Variants in AGBL1 observed in about 807,000 individuals in gnomAD.
The protein encoded by AGBL1 is cytosolic carboxypeptidase 4.
Under a neutral mutation model 118.9 loss-of-function variants are expected in AGBL1, and 130 were observed. The ratio of observed to expected loss-of-function variants is 1.09; its 90% CI spans 0.95 to 1.26. The LOEUF (loss-of-function observed/expected upper bound fraction) is 1.26. AGBL1 is among the 50% of genes most tolerant of loss of function. AGBL1 has a pLI of 0.00. For missense variants in AGBL1, 1,584 were observed against 1,298.1 expected (o/e 1.22, Z -3.38); for synonymous variants, 555 against 478.9 (o/e 1.16, Z -2.08).
intron 22 of AGBL1, among the ~76,000 whole-genome samples, chr15:86,785,063 T>C (rs946511927): frequency 1.3e-5 from 2 of 152,180 alleles, no homozygotes; most frequent in Non-Finnish European, 2.9e-5. Context: ...TTACAATGAA[T>C]GCAAATGAAT....
chr15:86,501,051 T>C (rs1297423835), intron 18 of AGBL1, among the ~76,000 whole-genome samples: 1 of 151,714 alleles, frequency 6.6e-6, no homozygotes, highest in Admixed American at 6.6e-5. Flanking sequence ...TGCTGGGTCA[T>C]ATGGGGACTA....
intron 18 of AGBL1, among the ~76,000 whole-genome samples, chr15:86,500,897 A>C (rs1042601442): frequency 6.6e-6 from 1 of 151,698 alleles, no homozygotes; most frequent in East Asian, 1.9e-4. Context: ...ATTCATCATC[A>C]GTTGATGGAC....
At chr15:86,945,652 A>G (rs1184788453) in intron 23 of AGBL1, among the ~76,000 whole-genome samples, 1 of 152,192 alleles carries the variant, frequency 6.6e-6, no homozygotes, top group East Asian at 1.9e-4. Context: ...CAGTGTGGAC[A>G]AGAGAGTGAG....
At chr15:86,493,688 G>T in intron 18 of AGBL1, among the ~76,000 whole-genome samples, 1 of 152,092 alleles carries the variant, frequency 6.6e-6, no homozygotes, top group Non-Finnish European at 1.5e-5. Context: ...GTGGGTTTTT[G>T]CACAATATTT....
intron 24 of AGBL1, among the ~76,000 whole-genome samples, chr15:86,997,512 T>TC (rs1339578345): frequency 6.6e-6 from 1 of 152,188 alleles, no homozygotes; most frequent in African/African-American, 2.4e-5. Context: ...TGTGGCTTTT[T>TC]CCCCCTTCAG....
chr15:86,318,866 G>A (rs2141839161), intron 17 of AGBL1, among the ~76,000 whole-genome samples: 1 of 152,050 alleles, frequency 6.6e-6, no homozygotes, highest in East Asian at 1.9e-4. Context: ...ATTATTATAT[G>A]GTCTGTGATG....
At chr15:86,233,714 G>A (rs1398429334) in intron 6 of AGBL1, among the ~76,000 whole-genome samples, 1 of 152,222 alleles carries the variant, frequency 6.6e-6, no homozygotes, top group Non-Finnish European at 1.5e-5. Context: ...CAAGAAGGAA[G>A]AACTAGTGAA....
intron 22 of AGBL1, among the ~76,000 whole-genome samples, chr15:86,794,477 G>A (rs1241673539): frequency 1.3e-5 from 2 of 152,146 alleles, no homozygotes; most frequent in South Asian, 2.1e-4. Context: ...ATTGCTTAAC[G>A]GGTACTGGGT....
chr15:86,153,635 G>A (rs2077147500), intron 3 of AGBL1, among the ~76,000 whole-genome samples: 1 of 152,150 alleles, frequency 6.6e-6, no homozygotes, highest in African/African-American at 2.4e-5. Flanking sequence ...TTGTGCACAT[G>A]TCCCCTAGAA....
chr15:86,914,802 C>A lies in AGBL1; in HGVS notation c.*7508C>A, dbSNP rs1173714264. ...TCTTTCTTCAAAGACCCCTAAGGGC[C>A]CTCTGAGAGGTTATGGAGCAAGTCT... is the stretch of plus-strand genomic sequence containing the variant. On this transcript the variant is annotated 3_prime_UTR_variant, in exon 23 of 23. Transcript: ENST00000614907. 1.3e-5 allele frequency: 2 copies of A among 152,158 alleles called. No homozygotes were observed. The highest frequency in any genetic ancestry group is 1.9e-4 in the East Asian group (1 of 5,202). The allele number at this position is 152,158 out of a possible 1,614,324, so 9.4% of individuals were successfully genotyped here. A position where few individuals can be genotyped will look rare whatever the true frequency, so the allele number is the denominator to read the frequency against.
intron 22 of AGBL1, among the ~76,000 whole-genome samples, chr15:86,893,907 A>G (rs1376484159): frequency 6.6e-6 from 1 of 152,178 alleles, no homozygotes; most frequent in East Asian, 1.9e-4. Flanking sequence ...TAAGATTCCC[A>G]TTTTACACAT....
intron 22 of AGBL1, among the ~76,000 whole-genome samples, chr15:86,712,684 A>G (rs565683609): frequency 1.9e-4 from 29 of 152,288 alleles, no homozygotes; most frequent in South Asian, 1.0e-3. Flanking sequence ...GGGCTATTCT[A>G]TTAGTCCTGG....
chr15:86,758,825 T>C (rs1271063384), intron 22 of AGBL1, among the ~76,000 whole-genome samples: 2 of 151,340 alleles, frequency 1.3e-5, no homozygotes, highest in Non-Finnish European at 2.9e-5. Flanking sequence ...ATACAAAAAT[T>C]AACTGGGCAT....
At chr15:86,145,819 A>T (rs1369763705) in intron 3 of AGBL1, among the ~76,000 whole-genome samples, 2 of 152,226 alleles carry the variant, frequency 1.3e-5, no homozygotes, top group African/African-American at 4.8e-5. Context: ...CTTATGTTCA[A>T]GTGGAGAAGG....
chr15:86,939,172 T>C (rs2080714761), intron 23 of AGBL1: 1 of 152,742 alleles, frequency 6.5e-6, no homozygotes, highest in Admixed American at 6.5e-5. Flanking sequence ...TGTGAGGGTA[T>C]TGCCAAAGGA....
At chr15:86,978,137 C>A (rs1291657675) in intron 23 of AGBL1, among the ~76,000 whole-genome samples, 1 of 152,136 alleles carries the variant, frequency 6.6e-6, no homozygotes, top group Non-Finnish European at 1.5e-5. Flanking sequence ...AGACTACTAC[C>A]TAACCACTAT....
At chr15:86,770,161 C>T (rs529037955) in intron 22 of AGBL1, among the ~76,000 whole-genome samples, 3 of 151,972 alleles carry the variant, frequency 2.0e-5, no homozygotes, top group South Asian at 4.2e-4. Flanking sequence ...ACTAAACAAA[C>T]AAAAGCATAG....
At chr15:86,742,011 A>T (rs985584347) in intron 22 of AGBL1, among the ~76,000 whole-genome samples, 2 of 151,622 alleles carry the variant, frequency 1.3e-5, no homozygotes, top group Non-Finnish European at 2.9e-5. Flanking sequence ...GTGGCTTAAA[A>T]CCCATGCCAC....
intron 15 of AGBL1, among the ~76,000 whole-genome samples, chr15:86,278,424 A>G (rs2079293146): frequency 6.6e-6 from 1 of 152,152 alleles, no homozygotes; most frequent in Admixed American, 6.5e-5. Flanking sequence ...AGCTTCCCTT[A>G]GTCCCATTCC....
Sources: gnomAD v4.1 joint callset for allele counts (sites outside exome capture counted in the v4.1 genomes callset) on GRCh38, gnomAD v4.1.1 for gene constraint, MANE v1.5 for transcripts, NCBI Gene and HGNC (gene_info 2026-07-23, HGNC 2026-07-21) for gene names.